Variants in WNT3A observed in about 807,000 individuals in gnomAD.
The protein encoded by WNT3A is protein Wnt-3a.
In WNT3A, 17 loss-of-function variants were observed where a neutral mutation model predicts 37.0. The ratio of observed to expected loss-of-function variants is 0.46; its 90% CI spans 0.31 to 0.69. The LOEUF is 0.69. Ranked by LOEUF, WNT3A falls within the 30% of genes least tolerant of loss-of-function variation. The probability of loss-of-function intolerance (pLI) is 0.05; values close to 1 mark genes in which losing one functional copy is unlikely to be tolerated. For missense variants in WNT3A, 411 were observed against 510.2 expected (o/e 0.81, Z 1.87); for synonymous variants, 187 against 211.0 (o/e 0.89, Z 0.99).
At position 228,060,547 on chromosome 1, in the gene WNT3A, C is replaced by T; in HGVS notation, c.*1082C>T. The T allele has an allele frequency of 3.7e-6, 1 of 269,598 alleles. No individual in the cohort carries two copies. The highest frequency in any genetic ancestry group is 7.5e-6 in the Non-Finnish European group (1 of 133,556). 16.7% of individuals were successfully genotyped at this position (269,598 alleles called of 1,614,324 possible). ...TTCGCAGAGGCAAGCGACCGAGGCCCTCCCAAAGAGGCCCGCCCTGCCCGG... is the reference window on the plus strand; with the variant it reads ...TTCGCAGAGGCAAGCGACCGAGGCCTTCCCAAAGAGGCCCGCCCTGCCCGG... On this transcript the variant is annotated 3_prime_UTR_variant, in exon 4 of 4. Coordinates refer to ENST00000284523, the MANE Select transcript of WNT3A (RefSeq NM_033131.4).
chr1:228,044,272 C>A (rs1039453267), intron 2 of WNT3A, among the ~76,000 whole-genome samples: 1 of 152,200 alleles, frequency 6.6e-6, no homozygotes. Flanking sequence ...TCCTGGGTCC[C>A]CTCGTCCAAC....
rs1038408847 is a variant in WNT3A at position 228,038,108 on chromosome 1, G to T, written c.314-12548G>T. ...CCCGGCGGTGTCAGGGGCCGTGGCC[G>T]CGGTGGGGCGCGGGCCGCATTCCGC... On this transcript the variant is annotated intron_variant, in intron 2 of 3. Coordinates refer to ENST00000284523, the MANE Select transcript of WNT3A (RefSeq NM_033131.4). This position sits in a 1 kb window ranked among gnomAD's most constrained non-coding sequence, Gnocchi z 5.7. Among the ~76,000 whole-genome samples the T allele has an allele frequency of 6.6e-6, 1 of 152,006 alleles. No homozygotes were observed. The highest frequency in any genetic ancestry group is 1.5e-5 in the Non-Finnish European group (1 of 67,954).
intron 1 of WNT3A, among the ~76,000 whole-genome samples, chr1:228,016,866 C>A (rs1457265187): frequency 6.6e-6 from 1 of 152,076 alleles, no homozygotes; most frequent in African/African-American, 2.4e-5. Flanking sequence ...CCTGCATGAA[C>A]TCAGAGGGAG....
At chr1:228,048,260 G>T (rs2031469685) in intron 2 of WNT3A, among the ~76,000 whole-genome samples, 2 of 152,196 alleles carry the variant, frequency 1.3e-5, no homozygotes, top group Admixed American at 6.5e-5. Flanking sequence ...AGGGCCTCGA[G>T]GGGAGAGAGA....
At position 228,059,219 on chromosome 1, in the gene WNT3A, G is replaced by T; in HGVS notation, c.813G>T (p.Leu271=). The T allele has an allele frequency of 6.2e-7, 1 of 1,611,352 alleles. No homozygotes were observed. Among genetic ancestry groups the T allele is most frequent in the Non-Finnish European group, 8.5e-7 (1 of 1,179,718 alleles). ...TYFKVPTERD[L]VYYEASPNFC... Reference sequence around the variant, plus strand: ...TCAAGGTGCCCACGGAGCGCGACCTGGTCTACTACGAGGCCTCGCCCAACT... The same window carrying T: ...TCAAGGTGCCCACGGAGCGCGACCTTGTCTACTACGAGGCCTCGCCCAACT... Residue 271 remains leucine (L), a synonymous_variant, in exon 4 of 4, where the codon CTG becomes CTT. Transcript: ENST00000284523.
intron 3 of WNT3A, among the ~76,000 whole-genome samples, chr1:228,053,655 G>A (rs754518583): frequency 6.6e-5 from 10 of 151,918 alleles, no homozygotes; most frequent in Admixed American, 1.3e-4. Context: ...ACAAACCAAT[G>A]GGAAAATTGG....
At chr1:228,045,987 A>G (rs956533570) in intron 2 of WNT3A, among the ~76,000 whole-genome samples, 1 of 152,234 alleles carries the variant, frequency 6.6e-6, no homozygotes, top group Non-Finnish European at 1.5e-5. Context: ...GTCAGTGGGC[A>G]AATCTTCCTG....
Position 228,038,680 on chromosome 1 carries a change from G to A in WNT3A, c.314-11976G>A, listed in dbSNP as rs1447631388. ...GGCCACTGTCCCCACAACTCTATGG[G>A]TCCCAGGTATGTGGTGGGGGTGTGG... On this transcript the variant is annotated intron_variant, in intron 2 of 3. Transcript: ENST00000284523. The surrounding 1 kb of genome is among the most constrained non-coding windows in gnomAD (Gnocchi z 5.7). Among the ~76,000 whole-genome samples the A allele has an allele frequency of 2.0e-5, 3 of 152,170 alleles. No individual in the cohort carries two copies. The highest frequency in any genetic ancestry group is 7.2e-5 in the African/African-American group (3 of 41,444).
chr1:228,043,927 G>A (rs2031345075), intron 2 of WNT3A, among the ~76,000 whole-genome samples: 1 of 151,824 alleles, frequency 6.6e-6, no homozygotes, highest in Non-Finnish European at 1.5e-5. Context: ...GACATTCTGG[G>A]GGGTCTTCCT....
At chr1:228,051,402 C>A (rs535278558) in intron 3 of WNT3A, among the ~76,000 whole-genome samples, 1 of 152,302 alleles carries the variant, frequency 6.6e-6, no homozygotes, top group South Asian at 2.1e-4. Flanking sequence ...CAAAGAGCAT[C>A]TTGATCTGCA....
intron 2 of WNT3A, among the ~76,000 whole-genome samples, chr1:228,030,927 C>T (rs2030985963): frequency 6.6e-6 from 1 of 152,252 alleles, no homozygotes; most frequent in South Asian, 2.1e-4. Context: ...AGGAAGACCA[C>T]AAGTCCTTTG....
chr1:228,059,551 G>T lies in WNT3A; in HGVS notation c.*86G>T, dbSNP rs922642031. Reference sequence around the variant, plus strand: ...GGTGGAGCAGGACTCCCACCTAAACGGGGCAGTACTCCTCCCTGGGGGCGG... The same window carrying T: ...GGTGGAGCAGGACTCCCACCTAAACTGGGCAGTACTCCTCCCTGGGGGCGG... On this transcript the variant is annotated 3_prime_UTR_variant, in exon 4 of 4. Coordinates refer to ENST00000284523, the MANE Select transcript of WNT3A (RefSeq NM_033131.4). The T allele has an allele frequency of 3.5e-6, 5 of 1,419,116 alleles. No homozygotes were observed. Among genetic ancestry groups the T allele is most frequent in the Non-Finnish European group, 3.7e-6 (4 of 1,092,666 alleles). 87.9% of individuals were successfully genotyped at this position (1,419,116 alleles called of 1,614,324 possible).
At chr1:228,035,853 T>C (rs2031125351) in intron 2 of WNT3A, among the ~76,000 whole-genome samples, 1 of 152,208 alleles carries the variant, frequency 6.6e-6, no homozygotes, top group South Asian at 2.1e-4. Context: ...TCCGCTTCTC[T>C]GATCCTACTA....
In WNT3A at chr1:228,050,671, C is replaced by A; in HGVS notation, c.329C>A (p.Ala110Asp). Residue 110 changes from alanine to aspartate, a missense_variant, in exon 3 of 4, where the codon GCC becomes GAC. By Grantham distance (126) the Ala-to-Asp change is moderately radical. Transcript: ENST00000284523. This position sits in a 1 kb window ranked among gnomAD's most constrained non-coding sequence, Gnocchi z 5.0. ...PVLDKATRES[A>D]FVHAIASAGV... ...CTCTCTACAGCTACCAGGGAGTCGG[C>A]CTTTGTCCACGCCATTGCCTCAGCC... 6.2e-7 allele frequency: 1 copy of A among 1,605,082 alleles called. No individual in the cohort carries two copies. The highest frequency in any genetic ancestry group is 8.5e-7 in the Non-Finnish European group (1 of 1,173,980).
At position 228,041,963 on chromosome 1, in the gene WNT3A, GC is replaced by G. The variant is rs1415077312; in HGVS notation, c.314-8692del. ...GTTGTTAGAAATTGTATCATATTGA[GC>G]AGCAGTCCACTTTCTGGAGGATTTT... On this transcript the variant is annotated intron_variant, in intron 2 of 3. Transcript: ENST00000284523. 3.3e-5 allele frequency among the ~76,000 whole-genome samples: 5 copies of G among 152,306 alleles called. No homozygotes were observed. In the East Asian group the frequency reaches 9.6e-4, roughly 29 times the overall value.
intron 3 of WNT3A, among the ~76,000 whole-genome samples, chr1:228,054,670 A>G (rs1175771631): frequency 3.3e-5 from 5 of 150,456 alleles, no homozygotes; most frequent in South Asian, 2.1e-4. Context: ...CCAGCACACA[A>G]TCAAAGATAA....
At chr1:228,020,697 T>G (rs2030679160) in intron 1 of WNT3A, among the ~76,000 whole-genome samples, 1 of 152,126 alleles carries the variant, frequency 6.6e-6, no homozygotes, top group Admixed American at 6.5e-5. Context: ...GATACCTGCG[T>G]GTAGTGAATG....
chr1:228,024,650 C>T (rs749436578), intron 2 of WNT3A, among the ~76,000 whole-genome samples: 1 of 152,068 alleles, frequency 6.6e-6, no homozygotes, highest in Admixed American at 6.5e-5. Flanking sequence ...CTTTGATACA[C>T]AAAATTTTTT....
chr1:228,041,423 C>G (rs555774434), intron 2 of WNT3A, among the ~76,000 whole-genome samples: 2 of 152,176 alleles, frequency 1.3e-5, no homozygotes, highest in South Asian at 4.2e-4. Context: ...CACCATCCAT[C>G]AATTCATCCA....
Sources: allele counts gnomAD v4.1 joint callset (sites outside exome capture counted in the v4.1 genomes callset), GRCh38; gene constraint gnomAD v4.1.1; non-coding constraint Gnocchi (gnomAD v3.1); transcripts MANE v1.5; gene names NCBI Gene and HGNC (gene_info 2026-07-23, HGNC 2026-07-21).